Variants in DNAAF9 observed in about 807,000 individuals in gnomAD.
The protein encoded by DNAAF9 is dynein axonemal assembly factor 9.
A neutral mutation model predicts 167.0 loss-of-function variants in DNAAF9; 90 were observed. The ratio of observed to expected loss-of-function variants is 0.54; its 90% CI spans 0.45 to 0.64. DNAAF9 has a LOEUF of 0.64. DNAAF9 is among the 30% of genes least tolerant of loss of function. The pLI, the probability that DNAAF9 is intolerant of heterozygous loss-of-function variation, is 0.00. For synonymous variants in DNAAF9, 491 were observed against 508.8 expected, an observed-to-expected ratio of 0.96 and a Z score of 0.47; for missense variants, 1,315 against 1,442.2, an observed-to-expected ratio of 0.91 and a Z score of 1.43.
At chr20:3,295,899 T>C (rs1341349421) in intron 23 of DNAAF9, 12 of 1,340,040 alleles carry the variant, frequency 9.0e-6, no homozygotes, top group Admixed American at 1.7e-5. Context: ...GTGCCGTCAA[T>C]TGAATGTTCT....
In DNAAF9 at chr20:3,295,893, C is replaced by T. The variant is rs559357661; in HGVS notation, c.2018+968G>A. On this transcript the variant is annotated intron_variant, in intron 23 of 36. Transcript: ENST00000252032. ...GTTCTCATGGGAGCCCAGCCAGTGC[C>T]GTCAATTGAATGTTCTCTCAGTAAA... 1.1e-5 allele frequency: 14 copies of T among 1,270,460 alleles called. 1 individual carries two copies. The highest frequency in any genetic ancestry group is 7.1e-5 in the East Asian group (3 of 42,362). The allele number at this position is 1,270,460 out of a possible 1,614,324, so 78.7% of individuals were successfully genotyped here. A position where few individuals can be genotyped will look rare whatever the true frequency, so the allele number is the denominator to read the frequency against.
intron 16 of DNAAF9, among the ~76,000 whole-genome samples, chr20:3,320,152 T>C (rs2069588190): frequency 6.6e-6 from 1 of 152,214 alleles, no homozygotes; most frequent in Non-Finnish European, 1.5e-5. Context: ...ATGGTGCCTG[T>C]CTTCAGGAAA....
rs149458339 is a variant in DNAAF9, at chr20:3,401,042, G to GCTGGGACCAT, written c.83+6423_83+6432dup. On this transcript the variant is annotated intron_variant, in intron 1 of 36. Coordinates refer to ENST00000252032, the MANE Select transcript of DNAAF9 (RefSeq NM_001009984.3). Reference sequence around the variant, plus strand: ...GCTTTGCATTTTGAATTTTCTTAAGGCTGGGACCATCTGTACCGTAGTTAT... The same window carrying GCTGGGACCAT: ...GCTTTGCATTTTGAATTTTCTTAAGGCTGGGACCATCTGGGACCATCTGTACCGTAGTTAT... Among the ~76,000 whole-genome samples the GCTGGGACCAT allele has an allele frequency of 8.5e-3, 1,298 of 152,174 alleles. 21 individuals carry two copies. Among genetic ancestry groups the GCTGGGACCAT allele is most frequent in the African/African-American group, 0.03 (1,253 of 41,506 alleles).
intron 10 of DNAAF9, among the ~76,000 whole-genome samples, chr20:3,336,270 T>G (rs1029605822): frequency 2.0e-5 from 3 of 150,174 alleles, no homozygotes; most frequent in African/African-American, 4.9e-5. Flanking sequence ...TTTTTTTTTT[T>G]TTTTTGCCAA....
At chr20:3,260,111 G>A (rs1033478341) in intron 31 of DNAAF9, 83 bp from the exon 32 acceptor site, 8 of 706,148 alleles carry the variant, frequency 1.1e-5, no homozygotes, top group African/African-American at 7.1e-5. Context: ...AGGCCGAGGC[G>A]GGTGGATCAT....
At chr20:3,363,208 G>A (rs1332549967) in intron 6 of DNAAF9, among the ~76,000 whole-genome samples, 1 of 147,296 alleles carries the variant, frequency 6.8e-6, no homozygotes, top group Non-Finnish European at 1.5e-5. Flanking sequence ...TGGCCTGGGT[G>A]ACAGAGTGAG....
chr20:3,323,561 G>A (rs947815930), intron 14 of DNAAF9, among the ~76,000 whole-genome samples: 3 of 152,108 alleles, frequency 2.0e-5, no homozygotes, highest in African/African-American at 7.2e-5. Context: ...GATTACAGGC[G>A]TGAGCCACTG....
chr20:3,402,452 G>A (rs920941490), intron 1 of DNAAF9, among the ~76,000 whole-genome samples: 2 of 151,806 alleles, frequency 1.3e-5, no homozygotes, highest in Non-Finnish European at 2.9e-5. Flanking sequence ...TAGTTACCAT[G>A]TTGTATAACA....
chr20:3,390,371 C>CTT (rs34917762), intron 1 of DNAAF9, among the ~76,000 whole-genome samples: 15 of 141,152 alleles, frequency 1.1e-4, no homozygotes, highest in East Asian at 6.2e-4. Context: ...TATTCTCTCA[C>CTT]TTTTTTTTTT....
Position 3,381,443 on chromosome 20 carries a change from AAATAG to A in DNAAF9, c.214_218del (p.Leu72TrpfsTer9). The A allele has an allele frequency of 6.2e-7, 1 of 1,613,524 alleles. No individual in the cohort carries two copies. On this transcript the variant is annotated frameshift_variant, in exon 3 of 37. Coordinates refer to ENST00000252032, the MANE Select transcript of DNAAF9 (RefSeq NM_001009984.3). LOFTEE classifies it high-confidence loss of function. ...CACTGGTATTCTGATTGTACAAACC[AAATAG>A]AAGATAATTTGCCAGCTCTCTGCAG...
intron 7 of DNAAF9, among the ~76,000 whole-genome samples, chr20:3,357,344 G>C (rs147538488): frequency 6.6e-6 from 1 of 152,120 alleles, no homozygotes. Context: ...GGTGGCACGC[G>C]CCTGTAATCC....
chr20:3,376,439 T>C, intron 3 of DNAAF9, 137 bp from the exon 4 acceptor site: 7 of 724,846 alleles, frequency 9.7e-6, no homozygotes, highest in Middle Eastern at 4.2e-4. Flanking sequence ...AATTATTTAA[T>C]TAAGCACTGT....
chr20:3,382,611 G>C, intron 1 of DNAAF9, 105 bp from the exon 2 acceptor site: 1 of 832,498 alleles, frequency 1.2e-6, no homozygotes, highest in Non-Finnish European at 2.0e-6. Context: ...GAATGACTTT[G>C]CTGGGGATGG....
intron 6 of DNAAF9, among the ~76,000 whole-genome samples, chr20:3,366,650 C>T (rs6076512): frequency 6.6e-6 from 1 of 152,056 alleles, no homozygotes; most frequent in South Asian, 2.1e-4. Context: ...AGAGGCTGGG[C>T]GCTGTGGCTC....
chr20:3,267,884 C>G (rs1444836228), intron 30 of DNAAF9, among the ~76,000 whole-genome samples: 1 of 152,084 alleles, frequency 6.6e-6, no homozygotes, highest in Non-Finnish European at 1.5e-5. Context: ...TTCCCCATTT[C>G]ATATTCATAA....
intron 7 of DNAAF9, among the ~76,000 whole-genome samples, chr20:3,350,692 T>C (rs1221984051): frequency 2.6e-5 from 4 of 152,214 alleles, no homozygotes; most frequent in Admixed American, 6.5e-5. Context: ...TGGGATATCT[T>C]AACATAGTAG....
At chr20:3,304,820 A>G (rs1435239953) in intron 20 of DNAAF9, among the ~76,000 whole-genome samples, 1 of 152,228 alleles carries the variant, frequency 6.6e-6, no homozygotes, top group East Asian at 1.9e-4. Flanking sequence ...ACATTACCTT[A>G]TGGGTATCTT....
At chr20:3,325,881 TG>T (rs2069701283) in intron 13 of DNAAF9, among the ~76,000 whole-genome samples, 2 of 118,118 alleles carry the variant, frequency 1.7e-5, no homozygotes, top group Non-Finnish European at 1.9e-5. Context: ...GTTGTCTTTT[TG>T]GTTTTTTTTT....
intron 14 of DNAAF9, among the ~76,000 whole-genome samples, chr20:3,323,274 CTTTTTTTT>C (rs71195835): frequency 5.8e-5 from 4 of 69,084 alleles, no homozygotes; most frequent in African/African-American, 6.7e-5. Flanking sequence ...GTGAAGTAAT[CTTTTTTTT>C]TTTTTTTTTT....
Sources: gnomAD v4.1 joint callset for allele counts (sites outside exome capture counted in the v4.1 genomes callset) on GRCh38, gnomAD v4.1.1 for gene constraint, MANE v1.5 for transcripts, NCBI Gene and HGNC (gene_info 2026-07-23, HGNC 2026-07-21) for gene names.